Variants in SLC9C1 observed in about 807,000 individuals in gnomAD.
SLC9C1 encodes solute carrier family 9 member C1.
Under a neutral mutation model 140.9 loss-of-function variants are expected in SLC9C1, and 97 were observed. That is an observed-to-expected ratio of 0.69 (90% confidence interval 0.58 to 0.82). The LOEUF (loss-of-function observed/expected upper bound fraction) is 0.82, where lower values mean the gene tolerates loss of function less well. SLC9C1 is among the 40% of genes least tolerant of loss of function. The probability of loss-of-function intolerance (pLI) is 0.00; values close to 1 mark genes in which losing one functional copy is unlikely to be tolerated. For synonymous variants in SLC9C1, 440 were observed against 442.6 expected (o/e 0.99, Z 0.07); for missense variants, 1,340 against 1,389.3 (o/e 0.96, Z 0.56).
At position 112,163,846 on chromosome 3, in the gene SLC9C1, T is replaced by C. The variant is rs555145961; in HGVS notation, c.3364+3375A>G. On this transcript the variant is annotated intron_variant, in intron 26 of 28. Coordinates refer to ENST00000305815, the MANE Select transcript of SLC9C1 (RefSeq NM_183061.3). The stretch of plus-strand genomic sequence containing the variant: ...TATCCTTGTTGACTTTCTGTCTCGT[T>C]GATCTGTCTAATGTTGACAGTGGGG... 3.8e-4 allele frequency among the ~76,000 whole-genome samples: 58 copies of C among 152,142 alleles called. No individual in the cohort carries two copies. In the South Asian group the frequency reaches 0.011, roughly 28 times the overall value.
At chr3:112,278,701 A>C (rs2080280501) in intron 4 of SLC9C1, 28 bp downstream of exon 4, 2 of 1,575,752 alleles carry the variant, frequency 1.3e-6, no homozygotes. Flanking sequence ...TTCATGAATG[A>C]ATGATATTAC....
chr3:112,263,856 T>C (rs761109768), intron 9 of SLC9C1, among the ~76,000 whole-genome samples: 7 of 151,916 alleles, frequency 4.6e-5, no homozygotes, highest in Non-Finnish European at 2.9e-5. Context: ...TTTCTAACTA[T>C]AGTTTTTAAT....
intron 10 of SLC9C1, among the ~76,000 whole-genome samples, chr3:112,247,930 T>TTAGA (rs60943548): frequency 0.59 from 89,506 of 151,354 alleles, 26,973 homozygotes; most frequent in East Asian, 0.79. Context: ...ACTGTTGATA[T>TTAGA]TACTTAGTCA....
rs754869245 is a variant in SLC9C1 at position 112,208,362 on chromosome 3, A to T, written c.1802T>A (p.Phe601Tyr). 1.3e-6 allele frequency: 2 copies of T among 1,547,272 alleles called. No individual in the cohort carries two copies. Among genetic ancestry groups the T allele is most frequent in the African/African-American group, 2.8e-5 (2 of 71,956 alleles). ...EKEGPSKYFF[F>Y]RICHTIVFTE... ...AAATACTATTGTATGGCATATACGA[A>T]AAAAGAAGTATCTGTAAAACAAAAA... The change falls in exon 16 of 29, where the codon TTT becomes TAT. Residue 601 changes from phenylalanine (F) to tyrosine (Y), a missense_variant. Physicochemically the swap from Phe to Tyr is conservative, Grantham distance 22. Coordinates refer to ENST00000305815, the MANE Select transcript of SLC9C1 (RefSeq NM_183061.3).
At chr3:112,227,746 C>A (rs2078719958) in intron 13 of SLC9C1, among the ~76,000 whole-genome samples, 1 of 152,000 alleles carries the variant, frequency 6.6e-6, no homozygotes, top group African/African-American at 2.4e-5. Flanking sequence ...AACAAACAAA[C>A]AAAATTAGTA....
chr3:112,167,123 T>C, intron 26 of SLC9C1, 98 bp downstream of exon 26: 2 of 1,378,156 alleles, frequency 1.5e-6, no homozygotes, highest in Non-Finnish European at 2.0e-6. Context: ...TTCCTCAATA[T>C]ATTAGGCAGA....
At chr3:112,272,619 C>A (rs368393572) in intron 6 of SLC9C1, among the ~76,000 whole-genome samples, 1 of 152,246 alleles carries the variant, frequency 6.6e-6, no homozygotes, top group South Asian at 2.1e-4. Flanking sequence ...GTCCTAATGT[C>A]TAAAAAAGTA....
intron 20 of SLC9C1, among the ~76,000 whole-genome samples, chr3:112,183,765 TC>T (rs1232188766): frequency 1.3e-5 from 1 of 77,822 alleles, no homozygotes; most frequent in African/African-American, 5.7e-5. Context: ...TCCTGCATCC[TC>T]CCCCAGGTTC....
rs763322402 is a variant in SLC9C1 at position 112,199,322 on chromosome 3, T to A, written c.2522A>T (p.Lys841Met). 14 of 1,562,850 alleles carry A rather than the reference T, an allele frequency of 9.0e-6. No individual in the cohort carries two copies. Among genetic ancestry groups the A allele is most frequent in the Non-Finnish European group, 1.1e-5 (13 of 1,159,112 alleles). The change falls in exon 20 of 29, where the codon AAG becomes ATG. Residue 841 changes from lysine to methionine, a missense_variant and splice_region_variant. Transcript: ENST00000305815. ...ISKTEGAGINKLIMAKKKEVL... is the reference protein window; with the variant it reads ...ISKTEGAGINMLIMAKKKEVL... ...TGCTTTGAAAATATTTTGCCTTACC[T>A]TATTAATTCCAGCACCTTCAGTTTT...
chr3:112,284,015 T>C (rs1466212376), intron 2 of SLC9C1, among the ~76,000 whole-genome samples: 1 of 152,078 alleles, frequency 6.6e-6, no homozygotes, highest in African/African-American at 2.4e-5. Context: ...CTCGTGACCA[T>C]TTACAAAAAT....
At chr3:112,225,922 A>C (rs1248539042) in intron 13 of SLC9C1, among the ~76,000 whole-genome samples, 1 of 152,172 alleles carries the variant, frequency 6.6e-6, no homozygotes, top group Non-Finnish European at 1.5e-5. Flanking sequence ...ATAAGGCAAA[A>C]ATTATTAGAT....
At chr3:112,218,446 T>A (rs2078448294) in intron 14 of SLC9C1, among the ~76,000 whole-genome samples, 1 of 61,060 alleles carries the variant, frequency 1.6e-5, no homozygotes, top group Non-Finnish European at 3.5e-5. Flanking sequence ...TGTATATATA[T>A]TTTTTTTTTT....
intron 13 of SLC9C1, among the ~76,000 whole-genome samples, chr3:112,227,279 C>T (rs2078706853): frequency 1.3e-5 from 2 of 152,066 alleles, no homozygotes; most frequent in Non-Finnish European, 2.9e-5. Flanking sequence ...CAGCAAACAA[C>T]ACAACAAAAA....
chr3:112,161,292 A>G (rs909813587), intron 26 of SLC9C1, among the ~76,000 whole-genome samples: 12 of 152,112 alleles, frequency 7.9e-5, no homozygotes, highest in African/African-American at 2.9e-4. Context: ...CCATTTGTCA[A>G]TTTTGGCTTT....
intron 11 of SLC9C1, among the ~76,000 whole-genome samples, chr3:112,241,956 G>A (rs1257456404): frequency 6.6e-6 from 1 of 152,088 alleles, no homozygotes; most frequent in South Asian, 2.1e-4. Flanking sequence ...ACTCAAGATG[G>A]ATTAAATATT....
intron 15 of SLC9C1, among the ~76,000 whole-genome samples, chr3:112,213,022 A>C (rs574184443): frequency 6.6e-6 from 1 of 152,246 alleles, no homozygotes; most frequent in African/African-American, 2.4e-5. Context: ...CAGAAACTCT[A>C]CAAGGCAGAA....
At chr3:112,290,110 T>C (rs2080634388) in intron 1 of SLC9C1, among the ~76,000 whole-genome samples, 1 of 152,218 alleles carries the variant, frequency 6.6e-6, no homozygotes, top group Non-Finnish European at 1.5e-5. Flanking sequence ...AACATCAAAC[T>C]ATTGAGAAAA....
At chr3:112,234,035 A>G (rs1414521168) in intron 12 of SLC9C1, among the ~76,000 whole-genome samples, 3 of 152,204 alleles carry the variant, frequency 2.0e-5, no homozygotes, top group African/African-American at 7.2e-5. Context: ...TTCTAGTTCT[A>G]GATCCCTGAG....
At chr3:112,233,492 T>C (rs1001664862) in intron 12 of SLC9C1, among the ~76,000 whole-genome samples, 3 of 152,176 alleles carry the variant, frequency 2.0e-5, no homozygotes, top group Non-Finnish European at 4.4e-5. Context: ...GATTCTTTTT[T>C]TCATTATACT....
Sources: allele counts gnomAD v4.1 joint callset (sites outside exome capture counted in the v4.1 genomes callset), GRCh38; gene constraint gnomAD v4.1.1; transcripts MANE v1.5; gene names NCBI Gene and HGNC (gene_info 2026-07-23, HGNC 2026-07-21).